RFX4: variants seen among roughly 807,000 people sequenced by gnomAD.
RFX4 encodes the protein regulatory factor X4.
A neutral mutation model predicts 95.0 loss-of-function variants in RFX4; 10 were observed. The ratio of observed to expected loss-of-function variants is 0.11; its 90% CI spans 0.06 to 0.18. RFX4 has a LOEUF of 0.18. RFX4 is among the 10% of genes least tolerant of loss of function. The pLI is 1.00. For synonymous variants in RFX4, 321 were observed against 340.7 expected, an observed-to-expected ratio of 0.94 and a Z score of 0.64; for missense variants, 640 against 922.0, an observed-to-expected ratio of 0.69 and a Z score of 3.96.
intron 7 of RFX4, among the ~76,000 whole-genome samples, chr12:106,691,212 A>G (rs1272195280): frequency 6.6e-6 from 1 of 152,204 alleles, no homozygotes; most frequent in African/African-American, 2.4e-5. Flanking sequence ...ATCCCCATCT[A>G]TTTAATTCAT....
intron 4 of RFX4, among the ~76,000 whole-genome samples, chr12:106,665,645 CAT>C (rs1386200835): frequency 6.6e-6 from 1 of 151,788 alleles, no homozygotes; most frequent in Non-Finnish European, 1.5e-5. Flanking sequence ...CCTTTATTAG[CAT>C]ATGTTATACT....
At chr12:106,585,330 C>T (rs1370943782) in intron 1 of RFX4, among the ~76,000 whole-genome samples, 1 of 152,230 alleles carries the variant, frequency 6.6e-6, no homozygotes, top group Non-Finnish European at 1.5e-5. Context: ...TTCACCTCAA[C>T]TGCAAACACT....
intron 8 of RFX4, among the ~76,000 whole-genome samples, chr12:106,700,847 T>C (rs554902899): frequency 2.0e-5 from 3 of 152,244 alleles, no homozygotes; most frequent in Admixed American, 6.5e-5. Flanking sequence ...TGTTTTTGTA[T>C]ATGCTATAAA....
chr12:106,677,827 G>T (rs949755245), intron 4 of RFX4, among the ~76,000 whole-genome samples: 1 of 152,134 alleles, frequency 6.6e-6, no homozygotes, highest in Non-Finnish European at 1.5e-5. Context: ...GTGCAGTAGT[G>T]GGGGTAAGGG....
At chr12:106,739,825 G>A (rs1295660202) in intron 15 of RFX4, among the ~76,000 whole-genome samples, 2 of 152,112 alleles carry the variant, frequency 1.3e-5, no homozygotes, top group African/African-American at 4.8e-5. Context: ...CTCATGACCT[G>A]GCAAAGTTGG....
At chr12:106,703,203 T>C (rs12296860) in intron 8 of RFX4, among the ~76,000 whole-genome samples, 200 of 152,354 alleles carry the variant, frequency 1.3e-3, no homozygotes, top group African/African-American at 4.6e-3. Flanking sequence ...GGCTACATGA[T>C]TGTGACCTCA....
In RFX4 at chr12:106,586,038, G is replaced by C. The variant is rs1324356225; in HGVS notation, c.43+2675G>C. ...AAGTGTGGAGCTAAGACAATGGCCC[G>C]GTCGGGGGAAGCTGGGCAGCCGGCG... On this transcript the variant is annotated intron_variant, in intron 1 of 17. Transcript: ENST00000392842. The surrounding 1 kb of genome is among the most constrained non-coding windows in gnomAD (Gnocchi z 5.6). The C allele has an allele frequency of 2.0e-5, 3 of 152,236 alleles. No individual in the cohort carries two copies. The highest frequency in any genetic ancestry group is 7.2e-5 in the African/African-American group (3 of 41,456). The allele number at this position is 152,236 out of a possible 1,614,324, so 9.4% of individuals were successfully genotyped here.
chr12:106,622,227 A>T (rs910407175), intron 2 of RFX4, among the ~76,000 whole-genome samples: 15 of 152,138 alleles, frequency 9.9e-5, no homozygotes, highest in African/African-American at 2.9e-4. Context: ...ATTATATTTT[A>T]AAAAAATATA....
rs1428489196 is a variant in RFX4 at position 106,632,628 on chromosome 12, G to C, written c.131-6704G>C. On this transcript the variant is annotated intron_variant, in intron 2 of 17. Coordinates refer to ENST00000392842, the MANE Select transcript of RFX4 (RefSeq NM_213594.3). The stretch of plus-strand genomic sequence containing the variant: ...TAGCATCCTGGACCTGCATTTCACA[G>C]CTCTTGCCTAGGACTTAATTTTAAA... 4.6e-5 allele frequency among the ~76,000 whole-genome samples: 7 copies of C among 152,326 alleles called. No individual in the cohort carries two copies. In the East Asian group the frequency reaches 1.4e-3, roughly 29 times the overall value.
chr12:106,639,401 C>A lies in RFX4; in HGVS notation c.191+9C>A. On this transcript the variant is annotated intron_variant, in intron 3 of 17. Transcript: ENST00000392842. ...CCTGCTACTCTGCAATGGTAAGTTT[C>A]CATTTTTAGCAAGTTCTGTCTTCAG... 6.2e-7 allele frequency: 1 copy of A among 1,613,134 alleles called. No individual in the cohort carries two copies. Among genetic ancestry groups the A allele is most frequent in the South Asian group, 1.1e-5 (1 of 90,944 alleles).
chr12:106,747,191 C>T (rs184358490), intron 15 of RFX4, among the ~76,000 whole-genome samples: 19 of 152,192 alleles, frequency 1.2e-4, no homozygotes, highest in East Asian at 1.2e-3. Flanking sequence ...AGAAACAGCA[C>T]GTGCAAAGGC....
intron 2 of RFX4, among the ~76,000 whole-genome samples, chr12:106,626,567 A>T (rs926934410): frequency 2.0e-5 from 3 of 152,116 alleles, no homozygotes; most frequent in Admixed American, 6.5e-5. Flanking sequence ...CTGGCTGAGG[A>T]GTGACAAATC....
chr12:106,750,723 C>T lies in RFX4; in HGVS notation c.1865C>T (p.Pro622Leu), dbSNP rs144189511. The change falls in exon 17 of 18, where the codon CCG (proline) becomes CTG (leucine). Residue 622 changes from proline to leucine, a missense_variant. Around this residue, in one of 7 missense-constraint regions of RFX4, gnomAD observed 300 missense variants for 346.8 expected, o/e 0.87. Coordinates refer to ENST00000392842, the MANE Select transcript of RFX4 (RefSeq NM_213594.3). ...CCTCACCCCATGCAGAGCCAGTATC[C>T]GGCCCTCCCTCATGACACAGCTATC... ...QHPHPMQSQY[P>L]ALPHDTAISG... 24 of 1,611,942 alleles carry T rather than the reference C, an allele frequency of 1.5e-5. No individual in the cohort carries two copies. In the Admixed American group the frequency reaches 2.0e-4, roughly 14 times the overall value.
At chr12:106,673,269 AC>A (rs945298280) in intron 4 of RFX4, among the ~76,000 whole-genome samples, 2 of 151,962 alleles carry the variant, frequency 1.3e-5, no homozygotes, top group African/African-American at 4.8e-5. Flanking sequence ...ATAGATATGG[AC>A]CCCCTGCTCC....
chr12:106,584,930 C>A (rs1395239969), intron 1 of RFX4, among the ~76,000 whole-genome samples: 2 of 152,174 alleles, frequency 1.3e-5, no homozygotes, highest in Non-Finnish European at 2.9e-5. Flanking sequence ...GCCTGCCCTG[C>A]GTGCCTCTCC....
intron 1 of RFX4, among the ~76,000 whole-genome samples, chr12:106,605,757 G>A (rs534463328): frequency 6.6e-6 from 1 of 152,334 alleles, no homozygotes; most frequent in East Asian, 1.9e-4. Context: ...GAAATATGGT[G>A]AAATGATGGT....
At position 106,610,988 on chromosome 12, in the gene RFX4, G is replaced by GT. The variant is rs796416921; in HGVS notation, c.130+2115dup. Among the ~76,000 whole-genome samples the GT allele has an allele frequency of 4.4e-3, 651 of 146,832 alleles. 2 individuals carry two copies. The highest frequency in any genetic ancestry group is 0.01 in the African/African-American group (402 of 40,016). ...TCCTAGTCATCATTTGTTATTTTCT[G>GT]TTTTTTTTTTAATAATAGCCATTCT... is the stretch of plus-strand genomic sequence containing the variant. On this transcript the variant is annotated intron_variant, in intron 2 of 17. Coordinates refer to ENST00000392842, the MANE Select transcript of RFX4 (RefSeq NM_213594.3).
chr12:106,709,315 C>T lies in RFX4; in HGVS notation c.834-15C>T, dbSNP rs367838114. The T allele has an allele frequency of 1.7e-5, 28 of 1,607,862 alleles. No individual in the cohort carries two copies. Among genetic ancestry groups the T allele is most frequent in the African/African-American group, 1.1e-4 (8 of 74,774 alleles). On this transcript the variant is annotated splice_polypyrimidine_tract_variant and intron_variant, in intron 8 of 17. Transcript: ENST00000392842. ...AACATGTGCAGCACTTAAAACTCAT[C>T]GTTTCTTTTTCTAGCTTAACTCAGG...
Position 106,639,333 on chromosome 12 carries a change from T to G in RFX4, c.132T>G (p.Asn44Lys), listed in dbSNP as rs1480613031. 6.2e-7 allele frequency: 1 copy of G among 1,612,946 alleles called. No homozygotes were observed. The highest frequency in any genetic ancestry group is 1.3e-5 in the African/African-American group (1 of 74,898). The change falls in exon 3 of 18, where the codon AAT becomes AAG. Residue 44 changes from asparagine to lysine, a missense_variant and splice_region_variant. Physicochemically the swap from Asn to Lys is moderately conservative, Grantham distance 94. Coordinates refer to ENST00000392842, the MANE Select transcript of RFX4 (RefSeq NM_213594.3). ...TSLGNVSNDE[N>K]EEKENNRASK... ...GCTTCTTTTTCTTTCCTTTAACAGA[T>G]GAGGAAAAAGAAAATAATAGAGCAT...
Sources: gnomAD v4.1 joint callset for allele counts (sites outside exome capture counted in the v4.1 genomes callset) on GRCh38, gnomAD v4.1.1 for gene constraint, gnomAD v4.1.1 regional missense constraint, Gnocchi (gnomAD v3.1) non-coding constraint, MANE v1.5 for transcripts, NCBI Gene and HGNC (gene_info 2026-07-23, HGNC 2026-07-21) for gene names.